DNAH12: variants seen among roughly 807,000 people sequenced by gnomAD.
DNAH12 encodes axonemal beta dynein heavy chain 12.
DNAH12 carries 285 observed loss-of-function variants against 371.5 expected under a neutral mutation model. That is an observed-to-expected ratio of 0.77 (90% CI 0.70 to 0.85). The LOEUF is 0.85. DNAH12 is among the 40% of genes least tolerant of loss of function. The probability of loss-of-function intolerance (pLI) is 0.00; values close to 1 mark genes in which losing one functional copy is unlikely to be tolerated. For synonymous variants in DNAH12, 1,200 were observed against 1,213.0 expected (o/e 0.99, Z 0.22); for missense variants, 3,611 against 3,689.4 (o/e 0.98, Z 0.55).
chr3:57,501,496 G>A (rs1209801497), intron 10 of DNAH12, 84 bp from the exon 11 acceptor site: 1 of 884,614 alleles, frequency 1.1e-6, no homozygotes, highest in Non-Finnish European at 1.7e-6. Context: ...ATGGAATGGG[G>A]ACCTACTCAA....
At chr3:57,299,605 T>C (rs1202745413) in intron 70 of DNAH12, among the ~76,000 whole-genome samples, 5 of 152,148 alleles carry the variant, frequency 3.3e-5, no homozygotes, top group Admixed American at 2.6e-4. Context: ...TCCAAGGTGA[T>C]GGTATTTGGA....
At chr3:57,510,001 GA>G (rs963995995) in intron 5 of DNAH12, among the ~76,000 whole-genome samples, 3 of 149,470 alleles carry the variant, frequency 2.0e-5, no homozygotes, top group African/African-American at 4.9e-5. Flanking sequence ...ATAAATATGT[GA>G]AAAAAATGCA....
In DNAH12 at chr3:57,508,522, A is replaced by G; in HGVS notation, c.561T>C (p.Asn187=). ...CCTGCACATAGCTAGAATGCCAAGG[A>G]TTAGAATAATCTAGGCCTCTGGAAA... The part of the protein sequence containing the change: ...PESPVGLDYS[N]PWHSSYVQAR... Residue 187 remains asparagine (N), a synonymous_variant, in exon 7 of 74, where the codon AAT becomes AAC. Transcript: ENST00000495027. The G allele has an allele frequency of 6.2e-7, 1 of 1,612,208 alleles. No individual in the cohort carries two copies. Among genetic ancestry groups the G allele is most frequent in the Non-Finnish European group, 8.5e-7 (1 of 1,179,616 alleles).
chr3:57,484,920 AC>A lies in DNAH12; in HGVS notation c.1515-1410del, dbSNP rs1214623174. Among the ~76,000 whole-genome samples, 3 of 152,112 alleles carry A rather than the reference AC, an allele frequency of 2.0e-5. No individual in the cohort carries two copies. The East Asian group carries it at 5.8e-4, about 29-fold the overall frequency. On this transcript the variant is annotated intron_variant, in intron 12 of 73. Coordinates refer to ENST00000495027, the MANE Select transcript of DNAH12 (RefSeq NM_001366028.2). ...TTCTTAAAAGAAGACAGCCAAAAAA[AC>A]CTATGAAAAAATGCTCAACATAACT... is the stretch of plus-strand genomic sequence containing the variant.
chr3:57,419,306 A>T (rs570587508), intron 37 of DNAH12, 61 bp downstream of exon 37: 1 of 1,431,840 alleles, frequency 7.0e-7, no homozygotes, highest in Admixed American at 3.4e-5. Flanking sequence ...AAAAATTGCC[A>T]TAATCCTATT....
At chr3:57,390,685 T>C (rs1040534585) in intron 45 of DNAH12, among the ~76,000 whole-genome samples, 6 of 151,516 alleles carry the variant, frequency 4.0e-5, no homozygotes, top group Admixed American at 1.3e-4. Context: ...GAATACCAAA[T>C]TGTATTAAAC....
chr3:57,472,003 A>G (rs2066382474), intron 14 of DNAH12, among the ~76,000 whole-genome samples: 1 of 152,198 alleles, frequency 6.6e-6, no homozygotes, highest in Admixed American at 6.5e-5. Context: ...TCACAAAATC[A>G]TAAAAATCAA....
At chr3:57,416,538 A>T (rs2064382249) in intron 37 of DNAH12, among the ~76,000 whole-genome samples, 1 of 152,208 alleles carries the variant, frequency 6.6e-6, no homozygotes, top group Non-Finnish European at 1.5e-5. Context: ...TTGTATTTGT[A>T]CTTTTAGGGT....
At chr3:57,494,285 T>A (rs2153386919) in intron 11 of DNAH12, among the ~76,000 whole-genome samples, 1 of 151,640 alleles carries the variant, frequency 6.6e-6, no homozygotes, top group African/African-American at 2.4e-5. Flanking sequence ...GGGCCCAGTG[T>A]CTCATGCCTG....
At chr3:57,411,719 G>C (rs1314477881) in intron 39 of DNAH12, among the ~76,000 whole-genome samples, 1 of 152,004 alleles carries the variant, frequency 6.6e-6, no homozygotes, top group Non-Finnish European at 1.5e-5. Context: ...CATGTTCATG[G>C]ATAGGAAAAC....
chr3:57,528,922 T>C (rs1390153994), intron 2 of DNAH12, among the ~76,000 whole-genome samples: 1 of 151,542 alleles, frequency 6.6e-6, no homozygotes, highest in Non-Finnish European at 1.5e-5. Flanking sequence ...TGTCTTAGCC[T>C]CCTGAGTAGC....
rs1156325132 is a variant in DNAH12 at position 57,542,809 on chromosome 3, G to A, written c.62C>T (p.Pro21Leu). ...AEKEALNLKL[P>L]PIVHLPENIG... The stretch of plus-strand genomic sequence containing the variant: ...GTTTTCTGGGAGATGGACAATGGGG[G>A]GTAACTTCAAGTTCAGAGCTTCCTT... The change falls in exon 2 of 74, where the codon CCC (proline) becomes CTC (leucine). Residue 21 changes from proline to leucine, a missense_variant. By Grantham distance (98) the Pro-to-Leu change is moderately conservative (BLOSUM62 -3). Transcript: ENST00000495027. 6.2e-7 allele frequency: 1 copy of A among 1,607,474 alleles called. No individual in the cohort carries two copies. Among genetic ancestry groups the A allele is most frequent in the South Asian group, 1.1e-5 (1 of 89,452 alleles).
intron 8 of DNAH12, 79 bp downstream of exon 8, chr3:57,507,562 CTA>C: frequency 5.1e-6 from 5 of 988,146 alleles, no homozygotes; most frequent in African/African-American, 1.7e-5. Context: ...TTACTTAGCA[CTA>C]TGTTTACGTA....
At chr3:57,387,780 T>C (rs1424238574) in intron 45 of DNAH12, among the ~76,000 whole-genome samples, 1 of 152,090 alleles carries the variant, frequency 6.6e-6, no homozygotes, top group Non-Finnish European at 1.5e-5. Context: ...CTACTTCTTG[T>C]TTGGAACATG....
At chr3:57,317,777 A>G (rs1275905294) in intron 65 of DNAH12, among the ~76,000 whole-genome samples, 2 of 152,128 alleles carry the variant, frequency 1.3e-5, no homozygotes, top group Non-Finnish European at 2.9e-5. Flanking sequence ...ACCACTTTGC[A>G]TTACCACCAA....
intron 12 of DNAH12, among the ~76,000 whole-genome samples, chr3:57,484,088 C>T (rs1027184072): frequency 6.6e-6 from 1 of 151,842 alleles, no homozygotes; most frequent in Non-Finnish European, 1.5e-5. Flanking sequence ...CTCTTCAACT[C>T]TCTTAAATAC....
chr3:57,337,268 A>G (rs984824228), intron 60 of DNAH12, among the ~76,000 whole-genome samples: 3 of 152,248 alleles, frequency 2.0e-5, no homozygotes, highest in Admixed American at 6.5e-5. Context: ...GCACTTTAGG[A>G]GGCCATAGGC....
In DNAH12 at chr3:57,495,948, C is replaced by A. The variant is rs1026278249; in HGVS notation, c.1335+5373G>T. ...TTATATATATTTTATACTATTTTATCTATTTATATATTTATATATTTTAAT... is the reference window on the plus strand; with the variant it reads ...TTATATATATTTTATACTATTTTATATATTTATATATTTATATATTTTAAT... On this transcript the variant is annotated intron_variant, in intron 11 of 73. Transcript: ENST00000495027. Among the ~76,000 whole-genome samples the A allele has an allele frequency of 3.0e-4, 41 of 137,538 alleles. 3 individuals carry two copies. Among genetic ancestry groups the A allele is most frequent in the East Asian group, 1.4e-3 (7 of 4,928 alleles). 90.2% of individuals were successfully genotyped at this position (137,538 alleles called of 152,430 possible).
intron 29 of DNAH12, 128 bp from the exon 30 acceptor site, chr3:57,437,188 C>A: frequency 3.0e-6 from 2 of 669,928 alleles, no homozygotes; most frequent in South Asian, 4.1e-5. Flanking sequence ...TTTCTTAAAA[C>A]TTTATTATTT....
Sources: gnomAD v4.1 joint callset for allele counts (sites outside exome capture counted in the v4.1 genomes callset) on GRCh38, gnomAD v4.1.1 for gene constraint, MANE v1.5 for transcripts, NCBI Gene and HGNC (gene_info 2026-07-23, HGNC 2026-07-21) for gene names.